The following ARL13B variants were observed in gnomAD, a reference collection of about 807,000 sequenced individuals.
ARL13B encodes ADP-ribosylation factor-like protein 13B.
In ARL13B, 36 loss-of-function variants were observed where a neutral mutation model predicts 56.1. The ratio of observed to expected loss-of-function variants is 0.64; its 90% CI spans 0.49 to 0.85. The LOEUF is 0.85. ARL13B is among the 40% of genes least tolerant of loss of function. The pLI is 0.00. For synonymous variants in ARL13B, 178 were observed against 171.1 expected (o/e 1.04, Z -0.32); for missense variants, 519 against 507.1 (o/e 1.02, Z -0.23).
chr3:94,055,612 T>A lies in ARL13B; in HGVS notation c.*2349T>A, dbSNP rs2077130924. 2.2e-6 allele frequency: 1 copy of A among 453,806 alleles called. No individual in the cohort carries two copies. The highest frequency in any genetic ancestry group is 2.0e-5 in the African/African-American group (1 of 50,014). 28.1% of individuals were successfully genotyped at this position (453,806 alleles called of 1,614,324 possible). A position where few individuals can be genotyped will look rare whatever the true frequency, so the allele number is the denominator to read the frequency against. ...TGTGTGCCTTTATGTGTAAAATGCA[T>A]ATTACGTAGTATACATGATATTGTA... On this transcript the variant is annotated 3_prime_UTR_variant, in exon 10 of 10. Coordinates refer to ENST00000394222, the MANE Select transcript of ARL13B (RefSeq NM_001174150.2).
intron 5 of ARL13B, 48 bp downstream of exon 5, chr3:94,036,802 A>G (rs1371401308): frequency 8.4e-6 from 13 of 1,553,712 alleles, no homozygotes; most frequent in South Asian, 1.2e-5. Context: ...GATCAAAAAC[A>G]TAACAATTTT....
At chr3:93,981,868 A>G (rs1438692999) in intron 1 of ARL13B, among the ~76,000 whole-genome samples, 3 of 142,238 alleles carry the variant, frequency 2.1e-5, no homozygotes, top group Non-Finnish European at 4.6e-5. Flanking sequence ...CCTGTCTCAA[A>G]AAAAAAAAAA....
In ARL13B at chr3:94,016,585, A is replaced by G. The variant is rs190704412; in HGVS notation, c.380+12677A>G. ...AAAAATATTTTCGTATCTACAGAGTAGAAGACCCTTGGGTTCACAATAGTG... is the reference window on the plus strand; with the variant it reads ...AAAAATATTTTCGTATCTACAGAGTGGAAGACCCTTGGGTTCACAATAGTG... On this transcript the variant is annotated intron_variant, in intron 3 of 9. Coordinates refer to ENST00000394222, the MANE Select transcript of ARL13B (RefSeq NM_001174150.2). Among the ~76,000 whole-genome samples, 450 of 152,310 alleles carry G rather than the reference A, an allele frequency of 3.0e-3. 2 individuals are homozygous for G. Among genetic ancestry groups the G allele is most frequent in the Non-Finnish European group, 4.8e-3 (328 of 68,022 alleles).
chr3:94,016,437 A>G (rs1223588928), intron 3 of ARL13B, among the ~76,000 whole-genome samples: 1 of 152,124 alleles, frequency 6.6e-6, no homozygotes, highest in Non-Finnish European at 1.5e-5. Context: ...ATTTGGAGGA[A>G]TCTTTAGTAT....
At chr3:94,040,938 A>G (rs1329157789) in intron 6 of ARL13B, among the ~76,000 whole-genome samples, 1 of 152,210 alleles carries the variant, frequency 6.6e-6, no homozygotes, top group Admixed American at 6.5e-5. Context: ...ATAGAAGTGA[A>G]TAATAGTGGT....
chr3:94,028,968 A>G (rs2076612188), intron 3 of ARL13B, among the ~76,000 whole-genome samples: 1 of 152,066 alleles, frequency 6.6e-6, no homozygotes, highest in African/African-American at 2.4e-5. Context: ...TCACAAAATC[A>G]TAGAATTTCA....
chr3:93,988,049 C>G (rs754607786), intron 1 of ARL13B, among the ~76,000 whole-genome samples: 5 of 152,024 alleles, frequency 3.3e-5, no homozygotes, highest in Non-Finnish European at 5.9e-5. Context: ...GTTTGATAAG[C>G]TGTACACGTT....
At chr3:94,011,328 G>A (rs1271119198) in intron 3 of ARL13B, among the ~76,000 whole-genome samples, 1 of 152,032 alleles carries the variant, frequency 6.6e-6, no homozygotes, top group Admixed American at 6.6e-5. Flanking sequence ...GACTGTGATG[G>A]CTGATCTTAC....
At chr3:93,984,088 G>T (rs1390234142) in intron 1 of ARL13B, among the ~76,000 whole-genome samples, 1 of 152,246 alleles carries the variant, frequency 6.6e-6, no homozygotes, top group Non-Finnish European at 1.5e-5. Flanking sequence ...GAGCACGGTG[G>T]CTCACGCCTG....
chr3:94,014,927 C>G (rs1419369089), intron 3 of ARL13B: 2 of 1,613,546 alleles, frequency 1.2e-6, no homozygotes, highest in Non-Finnish European at 1.7e-6. Flanking sequence ...TTTTTAACTT[C>G]TTTAACTAAA....
chr3:94,046,049 A>G (rs575450985), intron 7 of ARL13B, among the ~76,000 whole-genome samples: 4 of 152,034 alleles, frequency 2.6e-5, no homozygotes, highest in Admixed American at 1.3e-4. Context: ...CACAGAGATC[A>G]ATAAAACACA....
At chr3:94,001,901 A>G (rs1275815690) in intron 2 of ARL13B, among the ~76,000 whole-genome samples, 2 of 152,120 alleles carry the variant, frequency 1.3e-5, no homozygotes, top group Non-Finnish European at 2.9e-5. Flanking sequence ...GTATAATCCT[A>G]TTTCTGGAAA....
chr3:94,044,131 G>A (rs546274891), intron 7 of ARL13B, among the ~76,000 whole-genome samples: 672 of 151,996 alleles, frequency 4.4e-3, no homozygotes, highest in Middle Eastern at 0.01. Context: ...TCTGGGATGT[G>A]AGGAGCCCCT....
chr3:93,998,084 T>A (rs1246870375), intron 2 of ARL13B, among the ~76,000 whole-genome samples: 1 of 152,266 alleles, frequency 6.6e-6, no homozygotes, highest in Non-Finnish European at 1.5e-5. Flanking sequence ...TTTTCATGTG[T>A]TAGGAAATAT....
At chr3:94,027,390 T>G (rs2076579763) in intron 3 of ARL13B, among the ~76,000 whole-genome samples, 1 of 152,054 alleles carries the variant, frequency 6.6e-6, no homozygotes, top group Admixed American at 6.6e-5. Context: ...CTACATTTTA[T>G]TTAGTCTAAA....
intron 1 of ARL13B, among the ~76,000 whole-genome samples, chr3:93,988,477 G>A (rs1036583011): frequency 6.6e-6 from 1 of 152,078 alleles, no homozygotes; most frequent in African/African-American, 2.4e-5. Flanking sequence ...TTTCACCTCA[G>A]AAAAAACTTA....
intron 3 of ARL13B, among the ~76,000 whole-genome samples, chr3:94,009,677 A>C (rs576779529): frequency 1.3e-5 from 2 of 152,188 alleles, no homozygotes; most frequent in Non-Finnish European, 2.9e-5. Flanking sequence ...TGAATTTATA[A>C]GGTCTATTGG....
intron 9 of ARL13B, among the ~76,000 whole-genome samples, chr3:94,052,675 G>GT (rs1560019168): frequency 6.6e-6 from 1 of 152,100 alleles, no homozygotes; most frequent in African/African-American, 2.4e-5. Context: ...CATATATGTG[G>GT]TAAGATGTCT....
intron 6 of ARL13B, among the ~76,000 whole-genome samples, chr3:94,041,175 A>G (rs1366588645): frequency 6.7e-6 from 1 of 149,786 alleles, no homozygotes; most frequent in East Asian, 1.9e-4. Flanking sequence ...ATTTTTTTTT[A>G]TTATTACTGC....
Sources: gnomAD v4.1 joint callset for allele counts (sites outside exome capture counted in the v4.1 genomes callset) on GRCh38, gnomAD v4.1.1 for gene constraint, MANE v1.5 for transcripts, NCBI Gene and HGNC (gene_info 2026-07-23, HGNC 2026-07-21) for gene names.